Variants in IKZF2 observed in about 807,000 individuals in gnomAD.
IKZF2 encodes IKAROS family zinc finger 2, also known as zinc finger protein Helios.
IKZF2 carries 15 observed loss-of-function variants against 49.2 expected under a neutral mutation model. That is an observed-to-expected ratio of 0.30 (90% CI 0.20 to 0.47). The LOEUF (loss-of-function observed/expected upper bound fraction) is 0.47. Among genes scored for constraint, IKZF2 ranks in the 20% least tolerant of loss-of-function variants. The probability of loss-of-function intolerance (pLI) is 1.00; values close to 1 mark genes in which losing one functional copy is unlikely to be tolerated. For synonymous variants in IKZF2, 227 were observed against 221.4 expected (o/e 1.03, Z -0.23); for missense variants, 567 against 664.6 (o/e 0.85, Z 1.61).
Position 213,038,960 on chromosome 2 carries a change from A to G in IKZF2, c.574+10753T>C, listed in dbSNP as rs1014797277. On this transcript the variant is annotated intron_variant, in intron 6 of 8. Transcript: ENST00000434687. ...TAACATTATGTTGTTTCTTTAAACA[A>G]TATGGTCAAAGATGAGCTCCATCTT... is the stretch of plus-strand genomic sequence containing the variant. Among the ~76,000 whole-genome samples, 6 of 152,134 alleles carry G rather than the reference A, an allele frequency of 3.9e-5. No homozygotes were observed. The East Asian group carries it at 1.2e-3, about 29-fold the overall frequency.
chr2:213,147,664 A>C, intron 4 of IKZF2, 44 bp downstream of exon 4: 1 of 1,385,510 alleles, frequency 7.2e-7, no homozygotes, highest in Non-Finnish European at 1.0e-6. Flanking sequence ...CTGTTGCTGG[A>C]GAGACACACA....
chr2:213,070,738 T>C (rs1702611367), intron 4 of IKZF2, among the ~76,000 whole-genome samples: 1 of 152,096 alleles, frequency 6.6e-6, no homozygotes, highest in African/African-American at 2.4e-5. Context: ...ACGGTCTCAG[T>C]GCAAAATACA....
At chr2:213,137,421 G>A (rs910339887) in intron 4 of IKZF2, among the ~76,000 whole-genome samples, 1 of 152,046 alleles carries the variant, frequency 6.6e-6, no homozygotes, top group Non-Finnish European at 1.5e-5. Flanking sequence ...ACACAAAAAT[G>A]ATTAGGTACC....
chr2:213,090,825 T>C (rs1705229342), intron 4 of IKZF2, among the ~76,000 whole-genome samples: 1 of 151,370 alleles, frequency 6.6e-6, no homozygotes, highest in Non-Finnish European at 1.5e-5. Context: ...ACATAGCAGA[T>C]TCTCCCTCAC....
upstream of IKZF2, chr2:213,152,059 G>C (rs575701668): frequency 3.9e-5 from 6 of 152,298 alleles, no homozygotes; most frequent in African/African-American, 1.4e-4. Flanking sequence ...ACGGGGGCCA[G>C]GTAACCCGCT....
At chr2:213,048,534 C>G (rs1247150591) in intron 6 of IKZF2, among the ~76,000 whole-genome samples, 2 of 151,954 alleles carry the variant, frequency 1.3e-5, no homozygotes, top group Non-Finnish European at 2.9e-5. Flanking sequence ...CATAAGAAAA[C>G]ACTGCTTTAA....
intron 4 of IKZF2, among the ~76,000 whole-genome samples, chr2:213,110,579 T>C (rs2059673349): frequency 6.6e-6 from 1 of 151,986 alleles, no homozygotes. Flanking sequence ...ATGGGCATTG[T>C]TTGCACAATG....
chr2:213,138,240 A>T (rs1447624338), intron 4 of IKZF2, among the ~76,000 whole-genome samples: 3 of 152,072 alleles, frequency 2.0e-5, no homozygotes, highest in Non-Finnish European at 4.4e-5. Flanking sequence ...GAAGATGATG[A>T]TGGTGGTGTC....
At chr2:213,131,251 A>C (rs901407408) in intron 4 of IKZF2, among the ~76,000 whole-genome samples, 12 of 152,218 alleles carry the variant, frequency 7.9e-5, no homozygotes, top group Admixed American at 5.2e-4. Context: ...GAACTGTCTT[A>C]ACAGTTTTAA....
At chr2:213,041,200 T>C (rs536150842) in intron 6 of IKZF2, among the ~76,000 whole-genome samples, 3 of 152,274 alleles carry the variant, frequency 2.0e-5, no homozygotes, top group African/African-American at 4.8e-5. Context: ...AATCTCAAGA[T>C]TACTGAATAG....
intron 7 of IKZF2, chr2:213,021,788 T>C: frequency 1.6e-6 from 1 of 616,602 alleles, no homozygotes; most frequent in Non-Finnish European, 2.8e-6. Flanking sequence ...TTGGTTGTCA[T>C]TATTATGCTA....
At chr2:213,016,434 C>A (rs972487890) in intron 7 of IKZF2, among the ~76,000 whole-genome samples, 9 of 152,126 alleles carry the variant, frequency 5.9e-5, no homozygotes, top group Non-Finnish European at 1.2e-4. Context: ...TTTGTAAGGT[C>A]TGCCATTGGG....
At chr2:213,117,170 A>G (rs542349521) in intron 4 of IKZF2, among the ~76,000 whole-genome samples, 1 of 152,248 alleles carries the variant, frequency 6.6e-6, no homozygotes, top group African/African-American at 2.4e-5. Context: ...CAATAAACAG[A>G]CCAGCACTGA....
chr2:213,147,050 T>C (rs1273670597), intron 4 of IKZF2, among the ~76,000 whole-genome samples: 2 of 152,148 alleles, frequency 1.3e-5, no homozygotes, highest in African/African-American at 4.8e-5. Context: ...AGTTGCATCT[T>C]ATTACATAAA....
At chr2:213,119,316 C>T (rs1187067244) in intron 4 of IKZF2, among the ~76,000 whole-genome samples, 2 of 152,148 alleles carry the variant, frequency 1.3e-5, no homozygotes, top group Non-Finnish European at 2.9e-5. Flanking sequence ...GCACTGGTGG[C>T]ATGCCCCCTT....
At chr2:213,095,095 G>C (rs1210144556) in intron 4 of IKZF2, among the ~76,000 whole-genome samples, 2 of 152,070 alleles carry the variant, frequency 1.3e-5, no homozygotes, top group Admixed American at 6.6e-5. Flanking sequence ...GTTCAGATCT[G>C]AACTCAAAGT....
intron 4 of IKZF2, among the ~76,000 whole-genome samples, chr2:213,101,865 C>A (rs2125707488): frequency 6.6e-6 from 1 of 152,266 alleles, no homozygotes; most frequent in Non-Finnish European, 1.5e-5. Context: ...AAGAAACATT[C>A]TTTCTTACTA....
rs1204051941 is a variant in IKZF2 at position 213,003,006 on chromosome 2, T to C, written c.*4354A>G. On this transcript the variant is annotated 3_prime_UTR_variant, in exon 9 of 9. Transcript: ENST00000434687. ...ATGAAACTAAAAAGGTAGTAAAGTC[T>C]AGTTTCAAAGTTTCCTTTTCCTTTT... 6.6e-6 allele frequency: 1 copy of C among 152,052 alleles called. No homozygotes were observed. The highest frequency in any genetic ancestry group is 1.5e-5 in the Non-Finnish European group (1 of 67,646). The allele number at this position is 152,052 out of a possible 1,614,324, so 9.4% of individuals were successfully genotyped here. A position where few individuals can be genotyped will look rare whatever the true frequency, so the allele number is the denominator to read the frequency against.
chr2:213,029,642 TAGTA>T (rs1698193457), intron 6 of IKZF2, among the ~76,000 whole-genome samples: 2 of 152,020 alleles, frequency 1.3e-5, no homozygotes, highest in South Asian at 4.1e-4. Context: ...ACCATCCCAT[TAGTA>T]AGTAACTGTG....
Sources: gnomAD v4.1 joint callset for allele counts (sites outside exome capture counted in the v4.1 genomes callset) on GRCh38, gnomAD v4.1.1 for gene constraint, MANE v1.5 for transcripts, NCBI Gene and HGNC (gene_info 2026-07-23, HGNC 2026-07-21) for gene names.